SCG3: variants seen among roughly 807,000 people sequenced by gnomAD.
SCG3 encodes the protein secretogranin III, also known as secretogranin-3.
SCG3 carries 38 observed loss-of-function variants against 56.2 expected under a neutral mutation model. The ratio of observed to expected loss-of-function variants is 0.68; its 90% CI spans 0.52 to 0.89. The LOEUF (loss-of-function observed/expected upper bound fraction) is 0.89, where lower values mean the gene tolerates loss of function less well. Among genes scored for constraint, SCG3 ranks in the 40% least tolerant of loss-of-function variants. The pLI is 0.00. For synonymous variants in SCG3, 176 were observed against 184.2 expected, an observed-to-expected ratio of 0.96 and a Z score of 0.36; for missense variants, 524 against 540.7, an observed-to-expected ratio of 0.97 and a Z score of 0.31.
At chr15:51,689,150 G>T (rs2055249689) in intron 5 of SCG3, 69 bp from the exon 6 acceptor site, 1 of 1,493,212 alleles carries the variant, frequency 6.7e-7, no homozygotes, top group Non-Finnish European at 9.2e-7. Context: ...CTACAGTTTA[G>T]TCCACATTAT....
At position 51,719,446 on chromosome 15, in the gene SCG3, CA is replaced by C; in HGVS notation, c.1329del (p.Ala444LeufsTer43). 1 of 1,613,980 alleles carries C rather than the reference CA, an allele frequency of 6.2e-7. No individual in the cohort carries two copies. The highest frequency in any genetic ancestry group is 1.1e-5 in the South Asian group (1 of 91,070). On this transcript the variant is annotated frameshift_variant, in exon 12 of 12. Coordinates refer to ENST00000220478, the MANE Select transcript of SCG3 (RefSeq NM_013243.4). LOFTEE classifies it high-confidence loss of function. Reference protein sequence around the residue: ...LSKMRDFINKQADAYVEKGIL... With the variant: ...LSKMRDFINKXADAYVEKGIL... ...AAAGATGAGAGACTTCATCAATAAA[CA>C]AGCTGATGCTTATGTGGAGAAAGGC...
intron 7 of SCG3, 121 bp downstream of exon 7, chr15:51,692,457 G>A: frequency 1.1e-6 from 1 of 876,214 alleles, no homozygotes; most frequent in Admixed American, 2.8e-5. Flanking sequence ...ATACACTGTG[G>A]GCTTGGGGAA....
Position 51,719,624 on chromosome 15 carries a change from G to T in SCG3, c.*98G>T. 3.6e-6 allele frequency: 3 copies of T among 834,234 alleles called. No individual in the cohort carries two copies. Among genetic ancestry groups the T allele is most frequent in the Non-Finnish European group, 5.7e-6 (3 of 530,280 alleles). The allele number at this position is 834,234 out of a possible 1,614,324, so 51.7% of individuals were successfully genotyped here. Reference sequence around the variant, plus strand: ...GTGATTAAAATTTTTTGACCCAAGGGTTATTAGAAAGTGCTGAATTTACAG... The same window carrying T: ...GTGATTAAAATTTTTTGACCCAAGGTTTATTAGAAAGTGCTGAATTTACAG... On this transcript the variant is annotated 3_prime_UTR_variant, in exon 12 of 12. Coordinates refer to ENST00000220478, the MANE Select transcript of SCG3 (RefSeq NM_013243.4).
intron 10 of SCG3, among the ~76,000 whole-genome samples, chr15:51,711,710 C>T (rs2055421931): frequency 6.6e-6 from 1 of 152,164 alleles, no homozygotes; most frequent in Non-Finnish European, 1.5e-5. Context: ...GTCTTGAACT[C>T]CTGGCCTCAA....
rs575273949 is a variant in SCG3 at position 51,701,387 on chromosome 15, A to G, written c.1207+143A>G. On this transcript the variant is annotated intron_variant, in intron 10 of 11. Transcript: ENST00000220478. Reference sequence around the variant, plus strand: ...GTATAGAACAGGCTTGGCATGTGGTATCTTTATTTGAATAGCAATCTTTTT... The same window carrying G: ...GTATAGAACAGGCTTGGCATGTGGTGTCTTTATTTGAATAGCAATCTTTTT... 105 of 790,016 alleles carry G rather than the reference A, an allele frequency of 1.3e-4. No individual in the cohort carries two copies. The African/African-American group carries it at 1.7e-3, about 13-fold the overall frequency. 48.9% of individuals were successfully genotyped at this position (790,016 alleles called of 1,614,324 possible). A position where few individuals can be genotyped will look rare whatever the true frequency, so the allele number is the denominator to read the frequency against.
intron 10 of SCG3, among the ~76,000 whole-genome samples, chr15:51,701,503 T>C (rs1010129299): frequency 6.6e-6 from 1 of 152,270 alleles, no homozygotes; most frequent in Non-Finnish European, 1.5e-5. Flanking sequence ...GAGAGGAATA[T>C]GTATGACCAT....
chr15:51,685,714 C>T (rs923939318), intron 4 of SCG3, among the ~76,000 whole-genome samples: 2 of 152,170 alleles, frequency 1.3e-5, no homozygotes, highest in Non-Finnish European at 2.9e-5. Flanking sequence ...GGATGTGTTC[C>T]CAGACCTACT....
At chr15:51,717,404 G>T (rs528091536) in intron 11 of SCG3, among the ~76,000 whole-genome samples, 1 of 151,466 alleles carries the variant, frequency 6.6e-6, no homozygotes, top group Non-Finnish European at 1.5e-5. Context: ...GTGGTGGTGT[G>T]CGCTTGTAGT....
At chr15:51,712,845 G>A (rs2055429352) in intron 10 of SCG3, among the ~76,000 whole-genome samples, 1 of 152,140 alleles carries the variant, frequency 6.6e-6, no homozygotes, top group African/African-American at 2.4e-5. Flanking sequence ...GCCAGAATTG[G>A]GCAGAAGACT....
At chr15:51,708,148 T>C (rs1281738795) in intron 10 of SCG3, 3 of 152,304 alleles carry the variant, frequency 2.0e-5, no homozygotes, top group Admixed American at 2.0e-4. Flanking sequence ...ACCTCAGCCA[T>C]GAGCTATTTT....
chr15:51,706,030 A>G (rs577876049), intron 10 of SCG3, among the ~76,000 whole-genome samples: 192 of 151,770 alleles, frequency 1.3e-3, no homozygotes, highest in Non-Finnish European at 2.0e-3. Context: ...AATTTCTAGG[A>G]AAAAAAAATG....
chr15:51,699,198 G>A, intron 8 of SCG3, 121 bp from the exon 9 acceptor site: 1 of 707,666 alleles, frequency 1.4e-6, no homozygotes. Flanking sequence ...CATCTTACCA[G>A]GAGTGTTAAT....
chr15:51,695,066 C>A lies in SCG3; in HGVS notation c.869-809C>A, dbSNP rs528258885. Reference sequence around the variant, plus strand: ...AAAAAGAAAAAAGGTTCCCAAGAAACTGCTAGTAATCGTTACTTAAAGGGA... The same window carrying A: ...AAAAAGAAAAAAGGTTCCCAAGAAAATGCTAGTAATCGTTACTTAAAGGGA... On this transcript the variant is annotated intron_variant, in intron 7 of 11. Coordinates refer to ENST00000220478, the MANE Select transcript of SCG3 (RefSeq NM_013243.4). Among the ~76,000 whole-genome samples, 8 of 151,104 alleles carry A rather than the reference C, an allele frequency of 5.3e-5. No individual in the cohort carries two copies. The South Asian group carries it at 1.7e-3, about 32-fold the overall frequency.
chr15:51,718,555 C>T (rs183035405), intron 11 of SCG3, among the ~76,000 whole-genome samples: 1 of 152,042 alleles, frequency 6.6e-6, no homozygotes, highest in African/African-American at 2.4e-5. Context: ...TTTCTCTTCT[C>T]CTCACCAACT....
At chr15:51,686,697 TTGTTTGTA>T (rs2055231208) in intron 4 of SCG3, among the ~76,000 whole-genome samples, 1 of 146,246 alleles carries the variant, frequency 6.8e-6, no homozygotes, top group South Asian at 2.1e-4. Flanking sequence ...GTTTGTTTGT[TTGTTTGTA>T]TGTTTGTTTG....
In SCG3 at chr15:51,719,830, CCTT is replaced by C. The variant is rs1162499082; in HGVS notation, c.*309_*311del. On this transcript the variant is annotated 3_prime_UTR_variant, in exon 12 of 12. Coordinates refer to ENST00000220478, the MANE Select transcript of SCG3 (RefSeq NM_013243.4). ...CTAATGGACTGACCTTAAAACTCAT[CCTT>C]CTTCCACTGTCTCATCCACATAAGC... The C allele has an allele frequency of 3.7e-6, 1 of 268,066 alleles. No homozygotes were observed. 16.6% of individuals were successfully genotyped at this position (268,066 alleles called of 1,614,324 possible).
chr15:51,690,959 A>G (rs1449652292), intron 6 of SCG3, among the ~76,000 whole-genome samples: 3 of 152,228 alleles, frequency 2.0e-5, no homozygotes, highest in Admixed American at 6.5e-5. Context: ...GAGGTAGATC[A>G]TGTTTAAATC....
intron 10 of SCG3, among the ~76,000 whole-genome samples, chr15:51,702,987 A>C (rs1253001872): frequency 2.0e-5 from 3 of 152,106 alleles, no homozygotes; most frequent in Non-Finnish European, 4.4e-5. Flanking sequence ...ATTCTTTAAG[A>C]GCTGAGAGAG....
chr15:51,698,773 C>G (rs962599203), intron 8 of SCG3, among the ~76,000 whole-genome samples: 3 of 152,180 alleles, frequency 2.0e-5, no homozygotes, highest in Admixed American at 6.5e-5. Context: ...CACCTCCTCA[C>G]AGCACATCAA....
Sources: allele counts gnomAD v4.1 joint callset (sites outside exome capture counted in the v4.1 genomes callset), GRCh38; gene constraint gnomAD v4.1.1; transcripts MANE v1.5; gene names NCBI Gene and HGNC (gene_info 2026-07-23, HGNC 2026-07-21).